RNF130: variants seen among roughly 807,000 people sequenced by gnomAD.
RNF130 encodes ring finger protein 130.
Under a neutral mutation model 44.6 loss-of-function variants are expected in RNF130, and 21 were observed. The ratio of observed to expected loss-of-function variants is 0.47; its 90% CI spans 0.33 to 0.68. The LOEUF is 0.68. Ranked by LOEUF, RNF130 falls within the 30% of genes least tolerant of loss-of-function variation. RNF130 has a pLI of 0.02. For missense variants in RNF130, 479 were observed against 560.6 expected (o/e 0.85, Z 1.47); for synonymous variants, 214 against 210.4 (o/e 1.02, Z -0.15).
intron 7 of RNF130, among the ~76,000 whole-genome samples, chr5:179,947,525 C>CCAGCTTATG (rs773195266): frequency 7.2e-5 from 11 of 152,208 alleles, no homozygotes; most frequent in Non-Finnish European, 1.0e-4. Flanking sequence ...ACCCTGGGGG[C>CCAGCTTATG]CAGCTTATGT....
At chr5:179,943,452 A>G (rs1246726763) in intron 7 of RNF130, among the ~76,000 whole-genome samples, 1 of 152,196 alleles carries the variant, frequency 6.6e-6, no homozygotes, top group Non-Finnish European at 1.5e-5. Flanking sequence ...TACTATTTAA[A>G]CTGTAATCAG....
intron 8 of RNF130, among the ~76,000 whole-genome samples, chr5:179,963,026 G>A (rs955539790): frequency 7.2e-5 from 11 of 152,236 alleles, no homozygotes; most frequent in African/African-American, 2.4e-4. Flanking sequence ...TGCAGGCCAA[G>A]TACCCAAGGC....
chr5:179,996,442 T>G (rs1763198112), intron 3 of RNF130, among the ~76,000 whole-genome samples: 1 of 152,226 alleles, frequency 6.6e-6, no homozygotes, highest in Non-Finnish European at 1.5e-5. Flanking sequence ...TTCAGTATGA[T>G]GTTGGTTGTG....
chr5:179,946,802 C>T, intron 7 of RNF130, among the ~76,000 whole-genome samples: 1 of 152,184 alleles, frequency 6.6e-6, no homozygotes, highest in East Asian at 1.9e-4. Context: ...GATCCACCAG[C>T]CTCGGCCTCC....
intron 3 of RNF130, among the ~76,000 whole-genome samples, chr5:179,984,781 C>T (rs1762917200): frequency 6.6e-6 from 1 of 152,068 alleles, no homozygotes; most frequent in South Asian, 2.1e-4. Context: ...CCTGCCTTTT[C>T]CATATAAGTT....
At chr5:179,979,665 C>G (rs1418159661) in intron 4 of RNF130, among the ~76,000 whole-genome samples, 1 of 152,144 alleles carries the variant, frequency 6.6e-6, no homozygotes, top group African/African-American at 2.4e-5. Context: ...CTGACACTGC[C>G]TCTCTCCCTT....
intron 1 of RNF130, 45 bp downstream of exon 1, chr5:180,071,411 C>T: frequency 8.1e-7 from 1 of 1,230,102 alleles, no homozygotes; most frequent in African/African-American, 1.6e-5. Flanking sequence ...GCCGCCTACG[C>T]GGGATGCAGC....
At chr5:179,953,405 C>T (rs1762155887), downstream of RNF130, among the ~76,000 whole-genome samples, 1 of 151,646 alleles carries the variant, frequency 6.6e-6, no homozygotes, top group Non-Finnish European at 1.5e-5. Context: ...AGTTTGAGAA[C>T]TCACACTTCC....
rs148300173 is a variant in RNF130 at position 179,922,927 on chromosome 5, T to A, written c.1151-2501A>T. ...CCAGCCTGTGCTACAGAAAAAAAAA[T>A]AATAATAATAATCCTCGATACAAGT... On this transcript the variant is annotated intron_variant, in intron 7 of 7. Transcript: ENST00000522208. Among the ~76,000 whole-genome samples the A allele has an allele frequency of 4.5e-3, 688 of 151,888 alleles. 4 individuals carry two copies. The highest frequency in any genetic ancestry group is 0.014 in the Middle Eastern group (4 of 294).
In RNF130 at chr5:180,071,703, C is replaced by T. The variant is rs1765277004; in HGVS notation, c.-1G>A. On this transcript the variant is annotated 5_prime_UTR_variant, in exon 1 of 9. Transcript: ENST00000521389. ...GGCCCGCCCGCCCCGCGCAGCTCAT[C>T]GTCCCTCCGGCAGCCGCCGCTGCTC... is the stretch of plus-strand genomic sequence containing the variant. 3 of 1,330,672 alleles carry T rather than the reference C, an allele frequency of 2.3e-6. No homozygotes were observed. The highest frequency in any genetic ancestry group is 2.9e-6 in the Non-Finnish European group (3 of 1,038,430). 82.4% of individuals were successfully genotyped at this position (1,330,672 alleles called of 1,614,324 possible). A position where few individuals can be genotyped will look rare whatever the true frequency, so the allele number is the denominator to read the frequency against.
At chr5:179,929,667 G>T (rs1761777091) in intron 7 of RNF130, among the ~76,000 whole-genome samples, 1 of 152,060 alleles carries the variant, frequency 6.6e-6, no homozygotes, top group South Asian at 2.1e-4. Context: ...AGGATCACTT[G>T]AGCCTGGGAG....
intron 1 of RNF130, among the ~76,000 whole-genome samples, chr5:180,069,454 G>A (rs1202200562): frequency 1.3e-5 from 2 of 152,036 alleles, no homozygotes; most frequent in East Asian, 3.9e-4. Flanking sequence ...CTGTGGGACG[G>A]ACACAGAATG....
chr5:180,052,308 C>T (rs1364354823), intron 1 of RNF130, among the ~76,000 whole-genome samples: 1 of 152,210 alleles, frequency 6.6e-6, no homozygotes, highest in Non-Finnish European at 1.5e-5. Context: ...TATTAGCTTC[C>T]TCTCACATGT....
chr5:180,047,404 A>C (rs1276137679), intron 1 of RNF130, among the ~76,000 whole-genome samples: 1 of 152,008 alleles, frequency 6.6e-6, no homozygotes, highest in Non-Finnish European at 1.5e-5. Flanking sequence ...TAAACCTAAC[A>C]TTTCTTTTTA....
At chr5:180,054,862 G>A (rs935441975) in intron 1 of RNF130, among the ~76,000 whole-genome samples, 2 of 152,146 alleles carry the variant, frequency 1.3e-5, no homozygotes, top group Non-Finnish European at 2.9e-5. Flanking sequence ...CCTTGCAACA[G>A]TGCTTTGCAG....
intron 1 of RNF130, among the ~76,000 whole-genome samples, chr5:180,049,432 C>A (rs1764640577): frequency 6.6e-6 from 1 of 152,186 alleles, no homozygotes; most frequent in Non-Finnish European, 1.5e-5. Flanking sequence ...TTTATAAACA[C>A]AGATAACAAA....
At chr5:180,000,826 A>T (rs963769390) in intron 3 of RNF130, among the ~76,000 whole-genome samples, 1 of 152,094 alleles carries the variant, frequency 6.6e-6, no homozygotes, top group African/African-American at 2.4e-5. Flanking sequence ...TATCTCTCTG[A>T]GTTTCCATAC....
At chr5:180,020,200 C>A (rs10066845) in intron 2 of RNF130, among the ~76,000 whole-genome samples, 121,517 of 152,086 alleles carry the variant, frequency 0.8, 48,755 homozygotes, top group South Asian at 0.93. Context: ...GAATGACTGA[C>A]GGGCCTGTGG....
chr5:179,925,158 G>A (rs1761688129), intron 7 of RNF130, among the ~76,000 whole-genome samples: 1 of 152,234 alleles, frequency 6.6e-6, no homozygotes, highest in Admixed American at 6.5e-5. Context: ...CAGCCCCCAG[G>A]TAGCTCCGGG....
Sources: gnomAD v4.1 joint callset for allele counts (sites outside exome capture counted in the v4.1 genomes callset) on GRCh38, gnomAD v4.1.1 for gene constraint, MANE v1.5 for transcripts, NCBI Gene and HGNC (gene_info 2026-07-23, HGNC 2026-07-21) for gene names.